Variants in TEAD4 observed in about 807,000 individuals in gnomAD.
The protein encoded by TEAD4 is TEA domain transcription factor 4.
TEAD4 carries 36 observed loss-of-function variants against 52.4 expected under a neutral mutation model. The ratio of observed to expected loss-of-function variants is 0.69; its 90% confidence interval spans 0.53 to 0.91. The LOEUF is 0.91. Ranked by LOEUF, TEAD4 falls within the 40% of genes least tolerant of loss-of-function variation. TEAD4 has a pLI of 0.00. For missense variants in TEAD4, 508 were observed against 583.9 expected (o/e 0.87, Z 1.34); for synonymous variants, 220 against 231.0 (o/e 0.95, Z 0.43).
At chr12:2,988,441 C>T (rs2098240422) in intron 2 of TEAD4, among the ~76,000 whole-genome samples, 1 of 150,744 alleles carries the variant, frequency 6.6e-6, no homozygotes, top group Non-Finnish European at 1.5e-5. Flanking sequence ...ATCGCTTGAA[C>T]CTGGGAGGCA....
chr12:3,039,654 G>A (rs1445644511), intron 11 of TEAD4, among the ~76,000 whole-genome samples: 1 of 152,086 alleles, frequency 6.6e-6, no homozygotes, highest in African/African-American at 2.4e-5. Flanking sequence ...GAGAAAGGAG[G>A]TCTTGTTTAA....
At chr12:2,987,380 T>G (rs1347818915) in intron 2 of TEAD4, among the ~76,000 whole-genome samples, 1 of 152,046 alleles carries the variant, frequency 6.6e-6, no homozygotes, top group Non-Finnish European at 1.5e-5. Flanking sequence ...TCCTCCTGCT[T>G]CTTCCATGTG....
intron 5 of TEAD4, among the ~76,000 whole-genome samples, chr12:3,013,716 AGAGT>A (rs1008476257): frequency 1.3e-5 from 2 of 152,132 alleles, no homozygotes; most frequent in African/African-American, 4.8e-5. Context: ...TCTGGGCAAC[AGAGT>A]GAGACTCCAT....
chr12:3,030,914 G>A (rs543429261), intron 10 of TEAD4, among the ~76,000 whole-genome samples: 12 of 152,326 alleles, frequency 7.9e-5, no homozygotes, highest in African/African-American at 2.9e-4. Context: ...GAACAGGGCA[G>A]GACGTGGCCA....
At chr12:2,987,192 C>A in intron 2 of TEAD4, among the ~76,000 whole-genome samples, 1 of 152,058 alleles carries the variant, frequency 6.6e-6, no homozygotes, top group African/African-American at 2.4e-5. Flanking sequence ...GGGATTAAAC[C>A]AATAGAGTGG....
chr12:3,040,035 C>T, intron 11 of TEAD4, 72 bp from the exon 12 acceptor site: 2 of 1,581,982 alleles, frequency 1.3e-6, no homozygotes, highest in South Asian at 1.2e-5. Flanking sequence ...CCTTTCCTTC[C>T]CGTGGAGTTG....
At chr12:2,972,231 A>G (rs775323406) in intron 2 of TEAD4, among the ~76,000 whole-genome samples, 3 of 151,902 alleles carry the variant, frequency 2.0e-5, no homozygotes, top group Non-Finnish European at 4.4e-5. Context: ...GACATGTGCC[A>G]CCACACCTGG....
At chr12:2,981,571 G>A (rs1432772573) in intron 2 of TEAD4, among the ~76,000 whole-genome samples, 1 of 152,194 alleles carries the variant, frequency 6.6e-6, no homozygotes, top group East Asian at 1.9e-4. Context: ...CTGTTTGCAT[G>A]TCTGTCTAGT....
chr12:3,037,878 G>T, intron 10 of TEAD4, 90 bp from the exon 11 acceptor site: 1 of 1,485,834 alleles, frequency 6.7e-7, no homozygotes, highest in African/African-American at 1.4e-5. Context: ...CAGCCCTAGA[G>T]CCGGGACCGG....
chr12:3,006,671 G>T (rs1255552362), intron 3 of TEAD4, among the ~76,000 whole-genome samples: 1 of 151,720 alleles, frequency 6.6e-6, no homozygotes, highest in Non-Finnish European at 1.5e-5. Context: ...GCAACAGAGC[G>T]AAACTCCGTC....
chr12:3,028,885 C>T (rs144167257), intron 10 of TEAD4, among the ~76,000 whole-genome samples: 14 of 152,248 alleles, frequency 9.2e-5, no homozygotes, highest in African/African-American at 2.6e-4. Context: ...CCTGCCTCAA[C>T]CTCCCAAAGT....
intron 2 of TEAD4, among the ~76,000 whole-genome samples, chr12:2,985,781 G>A (rs1003810234): frequency 1.3e-5 from 2 of 151,924 alleles, no homozygotes; most frequent in African/African-American, 4.8e-5. Context: ...TTTTAACTTT[G>A]TCGTTAAAAA....
At chr12:2,986,750 G>A (rs557741823) in intron 2 of TEAD4, among the ~76,000 whole-genome samples, 1 of 152,164 alleles carries the variant, frequency 6.6e-6, no homozygotes. Flanking sequence ...GTCAAGGATT[G>A]TGTACTGTAC....
intron 10 of TEAD4, among the ~76,000 whole-genome samples, chr12:3,034,972 GC>G (rs1309678038): frequency 1.3e-5 from 2 of 151,932 alleles, no homozygotes; most frequent in African/African-American, 4.8e-5. Context: ...GTGGTGGTGG[GC>G]ACCTGTAATC....
At chr12:2,995,039 G>T in intron 3 of TEAD4, 47 bp downstream of exon 3, 2 of 1,585,466 alleles carry the variant, frequency 1.3e-6, no homozygotes, top group Non-Finnish European at 1.7e-6. Flanking sequence ...CTGAGGCAAG[G>T]GGCCGACACC....
chr12:3,006,641 G>C (rs12296242), intron 3 of TEAD4, among the ~76,000 whole-genome samples: 18,408 of 151,226 alleles, frequency 0.12, 2,181 homozygotes, highest in African/African-American at 0.31. Flanking sequence ...CCAAGATCGC[G>C]CCATTTCACT....
intron 3 of TEAD4, among the ~76,000 whole-genome samples, chr12:3,004,167 C>G (rs1467024696): frequency 6.6e-6 from 1 of 152,220 alleles, no homozygotes; most frequent in Admixed American, 6.5e-5. Flanking sequence ...CCCTCCGGGA[C>G]CTTACCTCAT....
At chr12:2,979,954 G>A (rs996270636) in intron 2 of TEAD4, among the ~76,000 whole-genome samples, 1 of 152,208 alleles carries the variant, frequency 6.6e-6, no homozygotes, top group Non-Finnish European at 1.5e-5. Flanking sequence ...AATCAGCAGG[G>A]AGAGATCTTT....
intron 4 of TEAD4, 42 bp downstream of exon 4, chr12:3,011,110 C>T (rs761877410): frequency 1.2e-6 from 2 of 1,610,320 alleles, no homozygotes; most frequent in Admixed American, 3.3e-5. Context: ...GGGTGGTACC[C>T]CAGCACCAGT....
Sources: gnomAD v4.1 joint callset for allele counts (sites outside exome capture counted in the v4.1 genomes callset) on GRCh38, gnomAD v4.1.1 for gene constraint, MANE v1.5 for transcripts, NCBI Gene and HGNC (gene_info 2026-07-23, HGNC 2026-07-21) for gene names.